Variants in CCSER1 observed in about 807,000 individuals in gnomAD.
The protein encoded by CCSER1 is serine-rich coiled-coil domain-containing protein 1.
A neutral mutation model predicts 82.0 loss-of-function variants in CCSER1; 41 were observed. The observed-to-expected ratio is 0.50, with a 90% CI of 0.39 to 0.65. The LOEUF is 0.65. CCSER1 is among the 30% of genes least tolerant of loss of function. CCSER1 has a pLI of 0.00. For synonymous variants in CCSER1, 414 were observed against 383.9 expected (o/e 1.08, Z -0.92); for missense variants, 1,119 against 1,064.2 (o/e 1.05, Z -0.72).
intron 7 of CCSER1, among the ~76,000 whole-genome samples, chr4:90,733,383 T>A (rs2149411898): frequency 6.6e-6 from 1 of 152,330 alleles, no homozygotes; most frequent in South Asian, 2.1e-4. Flanking sequence ...ATTGCATTGT[T>A]AATTTTTTGT....
At chr4:90,216,003 C>A (rs1740944543) in intron 1 of CCSER1, among the ~76,000 whole-genome samples, 1 of 152,086 alleles carries the variant, frequency 6.6e-6, no homozygotes, top group African/African-American at 2.4e-5. Context: ...ATTCCGCTCA[C>A]CAACTGTGAA....
chr4:91,236,408 G>A (rs554279126), intron 10 of CCSER1, among the ~76,000 whole-genome samples: 66 of 151,272 alleles, frequency 4.4e-4, no homozygotes, highest in Admixed American at 1.3e-3. Context: ...GCTTGAACCC[G>A]GGAGGTGGAG....
At position 91,598,709 on chromosome 4, in the gene CCSER1, C is replaced by A; in HGVS notation, c.2355C>A (p.Leu785=). 6.4e-7 allele frequency: 1 copy of A among 1,551,422 alleles called. No homozygotes were observed. The highest frequency in any genetic ancestry group is 8.7e-7 in the Non-Finnish European group (1 of 1,146,920). ...CCTACAAAAACAAGACCTGTCAACT[C>A]CCAAGTCTCTGTTTAAGTAATTTCC... ...TSPYKNKTCQ[L]PSLCLSNFLK... Residue 785 remains leucine (L), a synonymous_variant, in exon 11 of 11, where the codon CTC becomes CTA. Coordinates refer to ENST00000509176, the MANE Select transcript of CCSER1 (RefSeq NM_001145065.2).
intron 7 of CCSER1, among the ~76,000 whole-genome samples, chr4:90,754,317 C>A (rs76859611): frequency 6.6e-6 from 1 of 151,986 alleles, no homozygotes; most frequent in Non-Finnish European, 1.5e-5. Context: ...TTAACATATA[C>A]GTTTATGTAT....
At chr4:90,627,328 T>G (rs904380945) in intron 5 of CCSER1, among the ~76,000 whole-genome samples, 2 of 152,054 alleles carry the variant, frequency 1.3e-5, no homozygotes, top group African/African-American at 2.4e-5. Flanking sequence ...CTGACCTTGG[T>G]GGCAAGCGCC....
intron 4 of CCSER1, among the ~76,000 whole-genome samples, chr4:90,426,923 C>T (rs1048331026): frequency 6.6e-6 from 1 of 151,920 alleles, no homozygotes; most frequent in Non-Finnish European, 1.5e-5. Context: ...AAATACTGAA[C>T]AAAACTTCTA....
At chr4:91,199,552 TAAAA>T (rs1735730707) in intron 10 of CCSER1, among the ~76,000 whole-genome samples, 1 of 152,004 alleles carries the variant, frequency 6.6e-6, no homozygotes, top group South Asian at 2.1e-4. Context: ...ATATATAAAA[TAAAA>T]CTCAAAATTT....
chr4:90,391,498 T>G (rs11936979), intron 3 of CCSER1, among the ~76,000 whole-genome samples: 1 of 67,122 alleles, frequency 1.5e-5, no homozygotes, highest in African/African-American at 9.2e-5. Context: ...ACACACACAG[T>G]GGGTAAATAT....
intron 10 of CCSER1, among the ~76,000 whole-genome samples, chr4:91,344,694 T>C (rs956751453): frequency 6.6e-6 from 1 of 151,226 alleles, no homozygotes; most frequent in African/African-American, 2.4e-5. Flanking sequence ...AAATAGTGAA[T>C]GGCATTAAAA....
intron 8 of CCSER1, among the ~76,000 whole-genome samples, chr4:90,827,492 T>C (rs2149809181): frequency 6.6e-6 from 1 of 152,198 alleles, no homozygotes; most frequent in Middle Eastern, 3.4e-3. Flanking sequence ...GAAAAATTTA[T>C]TTTAGAGGAA....
intron 10 of CCSER1, among the ~76,000 whole-genome samples, chr4:91,223,073 A>G (rs890503529): frequency 6.6e-6 from 1 of 152,078 alleles, no homozygotes; most frequent in Non-Finnish European, 1.5e-5. Flanking sequence ...ATTTTATTGA[A>G]TACTCAAAAA....
chr4:90,179,875 A>T (rs1291422200), intron 1 of CCSER1, among the ~76,000 whole-genome samples: 2 of 152,104 alleles, frequency 1.3e-5, no homozygotes, highest in African/African-American at 4.8e-5. Flanking sequence ...TTTTGTTTCT[A>T]TGCGGATTTG....
chr4:90,233,389 C>T (rs1284786631), intron 1 of CCSER1, among the ~76,000 whole-genome samples: 9 of 152,058 alleles, frequency 5.9e-5, no homozygotes, highest in South Asian at 2.1e-4. Flanking sequence ...AACCCAACAC[C>T]GCATATTCTC....
intron 10 of CCSER1, among the ~76,000 whole-genome samples, chr4:91,237,409 T>C (rs1201572730): frequency 1.3e-5 from 2 of 151,038 alleles, no homozygotes; most frequent in Non-Finnish European, 2.9e-5. Flanking sequence ...AGTTTATATA[T>C]ATTGTCATAT....
intron 6 of CCSER1, among the ~76,000 whole-genome samples, chr4:90,711,301 T>C (rs1740564780): frequency 6.6e-6 from 1 of 152,178 alleles, no homozygotes; most frequent in Non-Finnish European, 1.5e-5. Context: ...CTTCCTATAA[T>C]CCTACTTGAA....
chr4:91,232,664 A>C (rs1251653736), intron 10 of CCSER1, among the ~76,000 whole-genome samples: 1 of 151,972 alleles, frequency 6.6e-6, no homozygotes, highest in Admixed American at 6.6e-5. Flanking sequence ...TATAAATTAT[A>C]TAATCTGTAT....
intron 1 of CCSER1, among the ~76,000 whole-genome samples, chr4:90,197,610 G>A (rs1010587352): frequency 4.6e-5 from 7 of 152,140 alleles, no homozygotes; most frequent in African/African-American, 1.7e-4. Context: ...TAAAAAGAAT[G>A]AGATCCTGTC....
intron 10 of CCSER1, among the ~76,000 whole-genome samples, chr4:91,169,550 T>G (rs13434773): frequency 0.72 from 109,631 of 151,986 alleles, 39,878 homozygotes; most frequent in Non-Finnish European, 0.78. Flanking sequence ...GAACCCAGGA[T>G]GCAGACATTG....
chr4:91,309,783 G>A (rs1335411959), intron 10 of CCSER1, among the ~76,000 whole-genome samples: 1 of 151,936 alleles, frequency 6.6e-6, no homozygotes, highest in Non-Finnish European at 1.5e-5. Context: ...AGGTTTATGA[G>A]GAATATCTTG....
Sources: allele counts gnomAD v4.1 joint callset (sites outside exome capture counted in the v4.1 genomes callset), GRCh38; gene constraint gnomAD v4.1.1; transcripts MANE v1.5; gene names NCBI Gene and HGNC (gene_info 2026-07-23, HGNC 2026-07-21).